Variants in STIM1 observed in about 807,000 individuals in gnomAD.
The protein encoded by STIM1 is stromal interaction molecule 1.
A neutral mutation model predicts 74.7 loss-of-function variants in STIM1; 25 were observed. That is an observed-to-expected ratio of 0.33 (90% CI 0.24 to 0.47). The LOEUF (loss-of-function observed/expected upper bound fraction) is 0.47, where lower values mean the gene tolerates loss of function less well. STIM1 is among the 20% of genes least tolerant of loss of function. The pLI is 1.00. For synonymous variants in STIM1, 328 were observed against 348.8 expected (o/e 0.94, Z 0.66); for missense variants, 728 against 920.8 (o/e 0.79, Z 2.71).
intron 1 of STIM1, among the ~76,000 whole-genome samples, chr11:3,954,611 C>G: frequency 6.6e-6 from 1 of 152,072 alleles, no homozygotes; most frequent in South Asian, 2.1e-4. Flanking sequence ...GAGAATGAGT[C>G]AGGATCTTTG....
At chr11:3,981,258 G>C (rs141729126) in intron 2 of STIM1, among the ~76,000 whole-genome samples, 127 of 152,304 alleles carry the variant, frequency 8.3e-4, no homozygotes, top group Middle Eastern at 3.4e-3. Flanking sequence ...TTCTCCTACA[G>C]TGGGAAGTAA....
chr11:3,886,258 A>C (rs1267639267), intron 1 of STIM1, among the ~76,000 whole-genome samples: 1 of 152,232 alleles, frequency 6.6e-6, no homozygotes, highest in East Asian at 1.9e-4. Flanking sequence ...AAGAGGGAGG[A>C]GCAATCTGGT....
At chr11:3,994,296 C>A (rs931029068) in intron 2 of STIM1, among the ~76,000 whole-genome samples, 1 of 151,928 alleles carries the variant, frequency 6.6e-6, no homozygotes, top group Non-Finnish European at 1.5e-5. Flanking sequence ...TTTCTCATTG[C>A]CTTTGACTTT....
chr11:3,994,466 T>TC, intron 2 of STIM1, among the ~76,000 whole-genome samples: 1 of 148,866 alleles, frequency 6.7e-6, no homozygotes, highest in African/African-American at 2.4e-5. Flanking sequence ...TTTCTTTCTT[T>TC]TTTTTTTTTT....
At chr11:3,895,743 TCTTC>T (rs1162065358) in intron 1 of STIM1, among the ~76,000 whole-genome samples, 359 of 34,396 alleles carry the variant, frequency 0.01, 9 homozygotes, top group East Asian at 0.014. Context: ...TCTTTTTCTT[TCTTC>T]CTTCCTTCCT....
chr11:3,932,666 G>GAAAAGAAAAAA, intron 1 of STIM1, among the ~76,000 whole-genome samples: 1 of 86,970 alleles, frequency 1.1e-5, no homozygotes, highest in Non-Finnish European at 2.3e-5. Context: ...TGTCTCAAAG[G>GAAAAGAAAAAA]AAAAAAAAAA....
chr11:3,957,483 T>C (rs1190694710), intron 1 of STIM1, among the ~76,000 whole-genome samples: 1 of 152,006 alleles, frequency 6.6e-6, no homozygotes, highest in African/African-American at 2.4e-5. Flanking sequence ...GGTCTCAAAC[T>C]CCTGACCTTG....
intron 2 of STIM1, among the ~76,000 whole-genome samples, chr11:4,019,667 C>T (rs1451800779): frequency 6.6e-6 from 1 of 151,870 alleles, no homozygotes; most frequent in Non-Finnish European, 1.5e-5. Context: ...ACCAACCATC[C>T]AAAAAAATTG....
intron 3 of STIM1, among the ~76,000 whole-genome samples, chr11:4,047,419 C>T (rs534423275): frequency 6.6e-6 from 1 of 152,090 alleles, no homozygotes; most frequent in South Asian, 2.1e-4. Flanking sequence ...AGTCTGAGAC[C>T]AACCTGGACA....
At chr11:4,012,796 T>G (rs1394428196) in intron 2 of STIM1, among the ~76,000 whole-genome samples, 2 of 152,234 alleles carry the variant, frequency 1.3e-5, no homozygotes, top group Middle Eastern at 3.2e-3. Flanking sequence ...CATCCTTGTC[T>G]TGTGCCAGTT....
At chr11:3,932,687 GA>G (rs2092883346) in intron 1 of STIM1, among the ~76,000 whole-genome samples, 1 of 128,700 alleles carries the variant, frequency 7.8e-6, no homozygotes, top group South Asian at 2.6e-4. Context: ...AAAAAAAAAA[GA>G]AAAGAAAAGA....
intron 1 of STIM1, among the ~76,000 whole-genome samples, chr11:3,950,423 T>C (rs2959062): frequency 1 from 152,300 of 152,304 alleles, 76,148 homozygotes; most frequent in Non-Finnish European, 1. Context: ...TGAGCCACTG[T>C]GCCTGGCTGG....
chr11:3,971,480 GATCGCAAC>G (rs1379445437), intron 2 of STIM1, among the ~76,000 whole-genome samples: 1 of 152,132 alleles, frequency 6.6e-6, no homozygotes, highest in Non-Finnish European at 1.5e-5. Flanking sequence ...AGTGAGCCGA[GATCGCAAC>G]ATTGCACTCC....
At chr11:3,900,926 C>A (rs184132868) in intron 1 of STIM1, among the ~76,000 whole-genome samples, 35 of 152,314 alleles carry the variant, frequency 2.3e-4, no homozygotes, top group Non-Finnish European at 4.9e-4. Context: ...CACGGTGGCT[C>A]ACACCTGTAA....
At chr11:3,888,443 G>A (rs889554509) in intron 1 of STIM1, among the ~76,000 whole-genome samples, 1 of 152,156 alleles carries the variant, frequency 6.6e-6, no homozygotes, top group African/African-American at 2.4e-5. Flanking sequence ...CTTTCAGGGG[G>A]CAGTATAGGA....
At chr11:3,996,079 C>A (rs1009836504) in intron 2 of STIM1, among the ~76,000 whole-genome samples, 2 of 152,140 alleles carry the variant, frequency 1.3e-5, no homozygotes, top group South Asian at 4.1e-4. Context: ...GTACCCTACC[C>A]TTAGTCTTGA....
intron 11 of STIM1, among the ~76,000 whole-genome samples, chr11:4,085,166 T>C (rs2094486251): frequency 6.7e-6 from 1 of 149,814 alleles, no homozygotes; most frequent in South Asian, 2.1e-4. Context: ...GACTTCCTCA[T>C]CCTCTTCAGC....
chr11:4,043,283 G>A (rs962717907), intron 3 of STIM1, among the ~76,000 whole-genome samples: 1 of 152,056 alleles, frequency 6.6e-6, no homozygotes, highest in Non-Finnish European at 1.5e-5. Flanking sequence ...AATCATAAAA[G>A]GTCTGTTCCT....
chr11:3,895,679 C>CT lies in STIM1; in HGVS notation c.139+39272dup, dbSNP rs1290884976. Among the ~76,000 whole-genome samples the CT allele has an allele frequency of 1.5e-4, 7 of 47,324 alleles. 1 individual carries two copies. The highest frequency in any genetic ancestry group is 5.3e-4 in the African/African-American group (4 of 7,574). 31.0% of individuals were successfully genotyped at this position (47,324 alleles called of 152,430 possible). A position where few individuals can be genotyped will look rare whatever the true frequency, so the allele number is the denominator to read the frequency against. On this transcript the variant is annotated intron_variant, in intron 1 of 12. Transcript: ENST00000526596. ...CTTTCTTTCTTTCTTTCTTTCCTTC[C>CT]TTCCTTCTTTCTTTCTTTCTTTCTT...
Sources: allele counts gnomAD v4.1 joint callset (sites outside exome capture counted in the v4.1 genomes callset), GRCh38; gene constraint gnomAD v4.1.1; transcripts MANE v1.5; gene names NCBI Gene and HGNC (gene_info 2026-07-23, HGNC 2026-07-21).